WWOX: variants seen among roughly 807,000 people sequenced by gnomAD.
WWOX encodes WW domain containing oxidoreductase, also known as WW domain-containing oxidoreductase.
WWOX carries 69 observed loss-of-function variants against 46.2 expected under a neutral mutation model. That is an observed-to-expected ratio of 1.49 (90% CI 1.23 to 1.82). WWOX has a LOEUF of 1.82. Ranked by LOEUF, WWOX falls within the 40% of genes most tolerant of loss-of-function variation. The pLI, the probability that WWOX is intolerant of heterozygous loss-of-function variation, is 0.00. For synonymous variants in WWOX, 359 were observed against 202.6 expected (o/e 1.77, Z -6.56); for missense variants, 919 against 542.6 (o/e 1.69, Z -6.89).
At chr16:78,446,030 C>G (rs1206562510) in intron 8 of WWOX, among the ~76,000 whole-genome samples, 1 of 152,162 alleles carries the variant, frequency 6.6e-6, no homozygotes, top group Non-Finnish European at 1.5e-5. Context: ...GGACTGATAA[C>G]TGGGCTTATT....
intron 8 of WWOX, chr16:78,897,878 C>G (rs1390165125): frequency 6.6e-6 from 1 of 152,020 alleles, no homozygotes; most frequent in Admixed American, 6.5e-5. Flanking sequence ...GGGTGAGAAA[C>G]GCTATCTCTT....
At chr16:78,635,696 C>G (rs181603891) in intron 8 of WWOX, among the ~76,000 whole-genome samples, 67 of 152,252 alleles carry the variant, frequency 4.4e-4, no homozygotes, top group African/African-American at 1.6e-3. Context: ...CACTACTTAG[C>G]GCTGTCAACA....
At chr16:78,910,823 C>T (rs899653445) in intron 8 of WWOX, among the ~76,000 whole-genome samples, 1 of 151,882 alleles carries the variant, frequency 6.6e-6, no homozygotes, top group African/African-American at 2.4e-5. Flanking sequence ...CACCGGGTCC[C>T]TCCCATGACG....
chr16:78,442,908 G>T (rs890491200), intron 8 of WWOX, among the ~76,000 whole-genome samples: 1 of 152,032 alleles, frequency 6.6e-6, no homozygotes, highest in Admixed American at 6.5e-5. Flanking sequence ...GAATCACGAG[G>T]TCAGGAGATT....
chr16:78,770,353 A>T (rs1329700327), intron 8 of WWOX, among the ~76,000 whole-genome samples: 2 of 137,446 alleles, frequency 1.5e-5, no homozygotes, highest in African/African-American at 5.3e-5. Flanking sequence ...TCTGTCTCAA[A>T]CAAAAAAAAA....
At chr16:79,026,656 C>T (rs1010876464) in intron 8 of WWOX, among the ~76,000 whole-genome samples, 9 of 126,384 alleles carry the variant, frequency 7.1e-5, no homozygotes, top group South Asian at 2.5e-4. Flanking sequence ...CTCCCTCTGT[C>T]GCCTAGGCTG....
intron 8 of WWOX, among the ~76,000 whole-genome samples, chr16:79,133,170 T>C (rs2049915616): frequency 6.6e-6 from 1 of 152,234 alleles, no homozygotes. Flanking sequence ...TTTTAACAAC[T>C]TTATTTATGT....
intron 8 of WWOX, among the ~76,000 whole-genome samples, chr16:78,819,971 T>C (rs2051447631): frequency 6.6e-6 from 1 of 152,208 alleles, no homozygotes; most frequent in Non-Finnish European, 1.5e-5. Context: ...TACTCTTAGT[T>C]TGATATCAAC....
intron 4 of WWOX, among the ~76,000 whole-genome samples, chr16:78,140,894 A>G (rs757445743): frequency 6.6e-6 from 1 of 152,224 alleles, no homozygotes; most frequent in Non-Finnish European, 1.5e-5. Flanking sequence ...ATCCAGATGC[A>G]TAGCAATCAT....
rs531973755 is a variant in WWOX at position 79,163,180 on chromosome 16, A to G, written c.1057-48428A>G. Among the ~76,000 whole-genome samples the G allele has an allele frequency of 2.0e-5, 3 of 152,290 alleles. No homozygotes were observed. The South Asian group carries it at 6.2e-4, about 32-fold the overall frequency. ...ATATGCTGGGGGAGACACTGTGTATACAAACCTAGGAGGGAGAGATTGGGA... is the reference window on the plus strand; with the variant it reads ...ATATGCTGGGGGAGACACTGTGTATGCAAACCTAGGAGGGAGAGATTGGGA... On this transcript the variant is annotated intron_variant, in intron 8 of 8. Transcript: ENST00000566780.
intron 8 of WWOX, chr16:78,890,103 A>G (rs2044555944): frequency 6.6e-6 from 1 of 152,204 alleles, no homozygotes; most frequent in Admixed American, 6.5e-5. Context: ...ACACACATGT[A>G]CACACATACA....
At chr16:78,144,754 C>G (rs1014629895) in intron 4 of WWOX, among the ~76,000 whole-genome samples, 157 of 151,526 alleles carry the variant, frequency 1.0e-3, no homozygotes, top group Non-Finnish European at 1.2e-4. Context: ...CTCCTGACCT[C>G]AAGAAATCCG....
At chr16:79,003,423 A>G (rs560413067) in intron 8 of WWOX, among the ~76,000 whole-genome samples, 4 of 152,238 alleles carry the variant, frequency 2.6e-5, no homozygotes, top group East Asian at 1.9e-4. Context: ...CCGCTTATCT[A>G]TTGCTGAGTA....
chr16:79,017,864 C>T (rs569159431), intron 8 of WWOX, among the ~76,000 whole-genome samples: 1 of 152,290 alleles, frequency 6.6e-6, no homozygotes, highest in Admixed American at 6.5e-5. Context: ...TGGATTTGTC[C>T]TGTGGACTGT....
intron 8 of WWOX, among the ~76,000 whole-genome samples, chr16:78,969,488 C>A (rs557369315): frequency 6.6e-6 from 1 of 152,112 alleles, no homozygotes; most frequent in African/African-American, 2.4e-5. Flanking sequence ...CCAGGCTGGT[C>A]TCAAACTCCT....
At position 78,158,840 on chromosome 16, in the gene WWOX, A is replaced by G. The variant is rs141799343; in HGVS notation, c.410-5343A>G. Reference sequence around the variant, plus strand: ...CCATTATATTTTATAAGTACATGATACAATATGAGCACAGTACTATATGGT... The same window carrying G: ...CCATTATATTTTATAAGTACATGATGCAATATGAGCACAGTACTATATGGT... On this transcript the variant is annotated intron_variant, in intron 4 of 8. Coordinates refer to ENST00000566780, the MANE Select transcript of WWOX (RefSeq NM_016373.4). Among the ~76,000 whole-genome samples the G allele has an allele frequency of 5.4e-3, 827 of 152,322 alleles. 12 individuals carry two copies. The highest frequency in any genetic ancestry group is 0.019 in the African/African-American group (802 of 41,570).
intron 8 of WWOX, among the ~76,000 whole-genome samples, chr16:79,036,204 C>T (rs145737111): frequency 1.6e-4 from 25 of 152,322 alleles, no homozygotes; most frequent in African/African-American, 5.5e-4. Context: ...GCGTCTCAAA[C>T]AGTATACCCA....
chr16:78,515,140 CTT>C (rs1381258007), intron 8 of WWOX, among the ~76,000 whole-genome samples: 2 of 152,178 alleles, frequency 1.3e-5, no homozygotes, highest in African/African-American at 4.8e-5. Context: ...AGGAGAATCA[CTT>C]GAACCCGGGA....
intron 5 of WWOX, among the ~76,000 whole-genome samples, chr16:78,315,879 T>C (rs1376905092): frequency 6.6e-6 from 1 of 152,100 alleles, no homozygotes; most frequent in African/African-American, 2.4e-5. Flanking sequence ...CCACAGTAGA[T>C]GTATCTGTAT....
Sources: gnomAD v4.1 joint callset for allele counts (sites outside exome capture counted in the v4.1 genomes callset) on GRCh38, gnomAD v4.1.1 for gene constraint, MANE v1.5 for transcripts, NCBI Gene and HGNC (gene_info 2026-07-23, HGNC 2026-07-21) for gene names.